PKD2: variants seen among roughly 807,000 people sequenced by gnomAD.
PKD2 encodes the protein polycystin-2.
A neutral mutation model predicts 105.9 loss-of-function variants in PKD2; 48 were observed. That is an observed-to-expected ratio of 0.45 (90% CI 0.36 to 0.58). The LOEUF (loss-of-function observed/expected upper bound fraction) is 0.58, where lower values mean the gene tolerates loss of function less well. PKD2 is among the 20% of genes least tolerant of loss of function. The pLI, the probability that PKD2 is intolerant of heterozygous loss-of-function variation, is 0.00. For synonymous variants in PKD2, 464 were observed against 481.1 expected, an observed-to-expected ratio of 0.96 and a Z score of 0.46; for missense variants, 1,078 against 1,255.3, an observed-to-expected ratio of 0.86 and a Z score of 2.13.
rs72873471 is a variant in PKD2 at position 88,027,047 on chromosome 4, T to C, written c.709+7476T>C. Reference sequence around the variant, plus strand: ...GCAGAGCCTTATGGAGAACCTCTGCTAGGGCAATGCAGGGGGGAAATGTGG... The same window carrying C: ...GCAGAGCCTTATGGAGAACCTCTGCCAGGGCAATGCAGGGGGGAAATGTGG... On this transcript the variant is annotated intron_variant, in intron 2 of 14. Coordinates refer to ENST00000237596, the MANE Select transcript of PKD2 (RefSeq NM_000297.4). Among the ~76,000 whole-genome samples, 964 of 152,352 alleles carry C rather than the reference T, an allele frequency of 6.3e-3. 15 individuals are homozygous for C. Among genetic ancestry groups the C allele is most frequent in the African/African-American group, 0.022 (913 of 41,592 alleles).
chr4:88,059,154 C>T (rs559485263), intron 9 of PKD2, among the ~76,000 whole-genome samples: 25 of 151,924 alleles, frequency 1.6e-4, no homozygotes, highest in African/African-American at 5.8e-4. Flanking sequence ...ATTTTTTTTC[C>T]GGGGAGACAC....
chr4:88,034,129 C>T (rs556980383), intron 2 of PKD2, among the ~76,000 whole-genome samples: 3 of 152,252 alleles, frequency 2.0e-5, no homozygotes, highest in Non-Finnish European at 4.4e-5. Context: ...GGTAGTAAGT[C>T]ATATAACACC....
chr4:88,009,085 T>C (rs1426011393), intron 1 of PKD2, among the ~76,000 whole-genome samples: 4 of 152,202 alleles, frequency 2.6e-5, no homozygotes, highest in East Asian at 1.9e-4. Flanking sequence ...AGTCACCAGA[T>C]AGCAGCTGAT....
At chr4:88,063,921 A>C (rs1367648202) in intron 10 of PKD2, among the ~76,000 whole-genome samples, 1 of 152,124 alleles carries the variant, frequency 6.6e-6, no homozygotes, top group African/African-American at 2.4e-5. Context: ...TTGAGAGGCC[A>C]AGGTGGGTGG....
Position 88,007,782 on chromosome 4 carries a change from C to T in PKD2, c.49C>T (p.Arg17Trp). The change falls in exon 1 of 15, where the codon CGG (arginine) becomes TGG (tryptophan). Residue 17 changes from arginine (R) to tryptophan (W), a missense_variant. This residue lies in a region of PKD2 where 210 missense variants were observed against 187.9 expected (regional missense o/e 1.12). Coordinates refer to ENST00000237596, the MANE Select transcript of PKD2 (RefSeq NM_000297.4). ...VQPQQPGDAK[R>W]PPAPRAPDPG... Reference sequence around the variant, plus strand: ...GCCTCAGCAGCCCGGGGACGCCAAGCGGCCGCCCGCGCCCCGCGCGCCGGA... The same window carrying T: ...GCCTCAGCAGCCCGGGGACGCCAAGTGGCCGCCCGCGCCCCGCGCGCCGGA... 5.2e-6 allele frequency: 6 copies of T among 1,163,604 alleles called. No homozygotes were observed. Among genetic ancestry groups the T allele is most frequent in the Admixed American group, 3.8e-5 (1 of 26,268 alleles). 72.1% of individuals were successfully genotyped at this position (1,163,604 alleles called of 1,614,324 possible).
chr4:88,019,355 T>G (rs1218575561), intron 1 of PKD2, 103 bp from the exon 2 acceptor site: 1 of 697,714 alleles, frequency 1.4e-6, no homozygotes, highest in Non-Finnish European at 2.5e-6. Context: ...AGAATCTCCC[T>G]TATAGGTGAA....
rs373170198 is a variant in PKD2, at chr4:88,043,410, T to C, written c.1272T>C (p.Ile424=). Residue 424 remains isoleucine (I), a synonymous_variant, in exon 5 of 15, where the codon ATT becomes ATC. Coordinates refer to ENST00000237596, the MANE Select transcript of PKD2 (RefSeq NM_000297.4). ...WLDRGTRATF[I]DFSVYNANIN... ...ACCGAGGAACCAGGGCAACTTTTAT[T>C]GACTTCTCAGTGTACAACGCCAACA... 7 of 1,613,926 alleles carry C rather than the reference T, an allele frequency of 4.3e-6. No individual in the cohort carries two copies. Among genetic ancestry groups the C allele is most frequent in the Middle Eastern group, 1.6e-4 (1 of 6,084 alleles).
intron 4 of PKD2, among the ~76,000 whole-genome samples, chr4:88,042,682 G>T (rs746291962): frequency 6.6e-6 from 1 of 152,058 alleles, no homozygotes; most frequent in Admixed American, 6.5e-5. Flanking sequence ...TATTTTACTT[G>T]TTTAATTATA....
chr4:88,048,744 TC>T (rs1211195341), intron 6 of PKD2, among the ~76,000 whole-genome samples: 1 of 152,144 alleles, frequency 6.6e-6, no homozygotes, highest in African/African-American at 2.4e-5. Context: ...CCATACAACA[TC>T]ACACAAATCA....
intron 3 of PKD2, 141 bp from the exon 4 acceptor site, chr4:88,038,110 T>A (rs1326021545): frequency 1.1e-6 from 1 of 922,512 alleles, no homozygotes; most frequent in Non-Finnish European, 1.7e-6. Flanking sequence ...CTATCCCAAA[T>A]CTCTCTGACA....
intron 6 of PKD2, among the ~76,000 whole-genome samples, chr4:88,049,689 G>T (rs1719968522): frequency 6.6e-6 from 1 of 151,994 alleles, no homozygotes; most frequent in African/African-American, 2.4e-5. Context: ...AACGCTTTTT[G>T]TTTTATCTAG....
intron 3 of PKD2, 117 bp from the exon 4 acceptor site, chr4:88,038,134 T>C: frequency 9.2e-7 from 1 of 1,085,488 alleles, no homozygotes; most frequent in Non-Finnish European, 1.4e-6. Flanking sequence ...AAACTCATTC[T>C]TATCACTCTA....
intron 9 of PKD2, among the ~76,000 whole-genome samples, chr4:88,058,501 G>A (rs1720445204): frequency 6.6e-6 from 1 of 152,246 alleles, no homozygotes; most frequent in South Asian, 2.1e-4. Context: ...TCATATGTCA[G>A]CACTTTCGTA....
rs372274184 is a variant in PKD2 at position 88,065,477 on chromosome 4, T to C, written c.2222T>C (p.Leu741Pro). 3 of 1,613,772 alleles carry C rather than the reference T, an allele frequency of 1.9e-6. No individual in the cohort carries two copies. The highest frequency in any genetic ancestry group is 2.5e-6 in the Non-Finnish European group (3 of 1,179,794). The change falls in exon 11 of 15, where the codon CTT becomes CCT. Residue 741 changes from leucine (L) to proline (P), a missense_variant. Around this residue, in one of 2 missense-constraint regions of PKD2, gnomAD observed 868 missense variants for 1,067.3 expected, o/e 0.81. Coordinates refer to ENST00000237596, the MANE Select transcript of PKD2 (RefSeq NM_000297.4). ...QGGGKLNFDE[L>P]RQDLKGKGHT... ...GGAGGCAAGTTAAACTTTGACGAACTTCGACAAGATCTCAAAGGGTGAGAA... is the reference window on the plus strand; with the variant it reads ...GGAGGCAAGTTAAACTTTGACGAACCTCGACAAGATCTCAAAGGGTGAGAA...
chr4:88,016,267 T>G (rs965192691), intron 1 of PKD2, among the ~76,000 whole-genome samples: 1 of 152,124 alleles, frequency 6.6e-6, no homozygotes, highest in Non-Finnish European at 1.5e-5. Context: ...CATTCTGGCA[T>G]TAGCTAAGCA....
chr4:88,019,745 C>G (rs1726684187), intron 2 of PKD2, among the ~76,000 whole-genome samples, 174 bp downstream of exon 2: 1 of 152,048 alleles, frequency 6.6e-6, no homozygotes, highest in African/African-American at 2.4e-5. Flanking sequence ...GACTATCTTC[C>G]TATGGTAGAA....
At chr4:88,062,090 T>G (rs1050234075) in intron 10 of PKD2, 86 bp downstream of exon 10, 1 of 756,452 alleles carries the variant, frequency 1.3e-6, no homozygotes, top group African/African-American at 1.7e-5. Context: ...TCAACATTGA[T>G]CCATTGAAAT....
rs571608942 is a variant in PKD2, at chr4:88,026,167, G to T, written c.709+6596G>T. 7.9e-4 allele frequency among the ~76,000 whole-genome samples: 120 copies of T among 152,266 alleles called. 2 individuals are homozygous for T. Among genetic ancestry groups the T allele is most frequent in the Middle Eastern group, 3.4e-3 (1 of 294 alleles). On this transcript the variant is annotated intron_variant, in intron 2 of 14. Transcript: ENST00000237596. ...GCTCAGAAGAAGACAGGAAGATGTG[G>T]GAAAGTTTGGAATTTCCTAGAGACT...
rs756765752 is a variant in PKD2, at chr4:88,008,319, G to A, written c.586G>A (p.Gly196Arg). The change falls in exon 1 of 15, where the codon GGG becomes AGG. Residue 196 changes from glycine to arginine, a missense_variant. Physicochemically the swap from Gly to Arg is moderately radical, Grantham distance 125. Around this residue, in one of 2 missense-constraint regions of PKD2, gnomAD observed 868 missense variants for 1,067.3 expected, o/e 0.81. Coordinates refer to ENST00000237596, the MANE Select transcript of PKD2 (RefSeq NM_000297.4). ...GGCCTGGGCGGAGAGGCTGGTTCGC[G>A]GGCTGCGAGGTAAGAGCGCGCGACC... ...RVAWAERLVR[G>R]LRGLWGTRLM... The A allele has an allele frequency of 6.6e-7, 1 of 1,512,326 alleles. No homozygotes were observed. The highest frequency in any genetic ancestry group is 8.8e-7 in the Non-Finnish European group (1 of 1,136,548). The allele number at this position is 1,512,326 out of a possible 1,614,324, so 93.7% of individuals were successfully genotyped here. A position where few individuals can be genotyped will look rare whatever the true frequency, so the allele number is the denominator to read the frequency against.
Sources: allele counts gnomAD v4.1 joint callset (sites outside exome capture counted in the v4.1 genomes callset), GRCh38; gene constraint gnomAD v4.1.1; regional missense constraint gnomAD v4.1.1; transcripts MANE v1.5; gene names NCBI Gene and HGNC (gene_info 2026-07-23, HGNC 2026-07-21).